The following ABCC1 variants were observed in gnomAD, a reference collection of about 807,000 sequenced individuals.
The protein encoded by ABCC1 is multidrug resistance-associated protein 1.
ABCC1 carries 83 observed loss-of-function variants against 172.9 expected under a neutral mutation model. That is an observed-to-expected ratio of 0.48 (90% CI 0.40 to 0.58). ABCC1 has a LOEUF of 0.58. Ranked by LOEUF, ABCC1 falls within the 20% of genes least tolerant of loss-of-function variation. The pLI is 0.00. For synonymous variants in ABCC1, 937 were observed against 825.2 expected, an observed-to-expected ratio of 1.14 and a Z score of -2.32; for missense variants, 1,817 against 2,002.7, an observed-to-expected ratio of 0.91 and a Z score of 1.77.
intron 13 of ABCC1, among the ~76,000 whole-genome samples, chr16:16,069,901 G>A (rs146388929): frequency 3.3e-5 from 5 of 152,114 alleles, no homozygotes; most frequent in Non-Finnish European, 7.4e-5. Context: ...GTTGGTGCCT[G>A]TAATCCCAGC....
rs529519008 is a variant in ABCC1 at position 15,965,330 on chromosome 16, C to T, written c.48+15531C>T. Among the ~76,000 whole-genome samples, 16 of 151,328 alleles carry T rather than the reference C, an allele frequency of 1.1e-4. No homozygotes were observed. In the South Asian group the frequency reaches 2.1e-3, roughly 20 times the overall value. On this transcript the variant is annotated intron_variant, in intron 1 of 30. Transcript: ENST00000399410. ...TTTTTGAGACGGAGTCTTGTTCTGTCGCCCAGGCTGAAGTGCAGTGGTGCG... is the reference window on the plus strand; with the variant it reads ...TTTTTGAGACGGAGTCTTGTTCTGTTGCCCAGGCTGAAGTGCAGTGGTGCG...
intron 29 of ABCC1, 98 bp from the exon 30 acceptor site, chr16:16,138,266 T>C (rs750621068): frequency 3.7e-5 from 43 of 1,170,542 alleles, no homozygotes; most frequent in African/African-American, 1.1e-4. Flanking sequence ...TCAAGCAACA[T>C]AGAGTGTCTC....
At chr16:16,054,684 CTCAACCCATT>C (rs2049576587) in intron 11 of ABCC1, among the ~76,000 whole-genome samples, 2 of 152,134 alleles carry the variant, frequency 1.3e-5, no homozygotes, top group South Asian at 4.1e-4. Context: ...AGTGGCCCGA[CTCAACCCATT>C]TCAGTCCCTG....
intron 28 of ABCC1, among the ~76,000 whole-genome samples, chr16:16,136,013 CTT>C (rs71137916): frequency 0.17 from 24,235 of 146,852 alleles, 1,990 homozygotes; most frequent in East Asian, 0.24. Context: ...ACTTTCCAGA[CTT>C]TTTTTTTTTT....
intron 1 of ABCC1, among the ~76,000 whole-genome samples, chr16:16,003,719 G>A (rs1211121849): frequency 1.6e-5 from 2 of 122,414 alleles, no homozygotes; most frequent in Non-Finnish European, 3.7e-5. Context: ...TAGGGTGGAT[G>A]GGTGAATTGG....
At chr16:16,084,924 A>G (rs2050949876) in intron 17 of ABCC1, among the ~76,000 whole-genome samples, 1 of 152,052 alleles carries the variant, frequency 6.6e-6, no homozygotes, top group African/African-American at 2.4e-5. Context: ...CCCGGCCTAT[A>G]ACTTGAGTAT....
intron 5 of ABCC1, among the ~76,000 whole-genome samples, chr16:16,021,534 T>A (rs574973635): frequency 2.8e-4 from 42 of 152,090 alleles, no homozygotes; most frequent in Non-Finnish European, 5.7e-4. Context: ...CTGACCAACA[T>A]GGTGAAATCC....
chr16:16,083,293 T>G, intron 16 of ABCC1, 73 bp from the exon 17 acceptor site: 1 of 1,461,150 alleles, frequency 6.8e-7, no homozygotes, highest in East Asian at 2.3e-5. Flanking sequence ...AGCAGGCGGG[T>G]GGGCCAGCTG....
intron 19 of ABCC1, among the ~76,000 whole-genome samples, chr16:16,092,290 C>T (rs1567394420): frequency 6.6e-6 from 1 of 152,094 alleles, no homozygotes; most frequent in Non-Finnish European, 1.5e-5. Context: ...AATTAACCCA[C>T]TTAAATCACA....
chr16:16,012,705 TGAGGC>T (rs1380493202), intron 3 of ABCC1, among the ~76,000 whole-genome samples: 1 of 147,086 alleles, frequency 6.8e-6, no homozygotes, highest in Non-Finnish European at 1.5e-5. Context: ...TTTTTTCCTT[TGAGGC>T]AGAGTTTCGC....
At chr16:16,106,499 G>T in intron 20 of ABCC1, 1 of 407,698 alleles carries the variant, frequency 2.5e-6, no homozygotes, top group Non-Finnish European at 4.4e-6. Flanking sequence ...CACAGATTGC[G>T]TTTCCCATGG....
chr16:16,117,832 G>A (rs2044960716), intron 23 of ABCC1, among the ~76,000 whole-genome samples: 1 of 152,150 alleles, frequency 6.6e-6, no homozygotes, highest in Non-Finnish European at 1.5e-5. Flanking sequence ...CTTGAACCTG[G>A]GAGGTGGAGG....
chr16:16,079,472 T>C lies in ABCC1; in HGVS notation c.2109T>C (p.Ala703=). The change falls in exon 16 of 31, where the codon GCT becomes GCC. Residue 703 remains alanine (A), a synonymous_variant. Coordinates refer to ENST00000399410, the MANE Select transcript of ABCC1 (RefSeq NM_004996.4). ...AEMDKVEGHV[A]IKGSVAYVPQ... ...TGGACAAAGTGGAGGGGCACGTGGC[T>C]ATCAAGGTAGGATGAGGACCAGCGG... The C allele has an allele frequency of 6.2e-7, 1 of 1,612,052 alleles. No homozygotes were observed.
intron 3 of ABCC1, among the ~76,000 whole-genome samples, chr16:16,010,768 C>T (rs762147402): frequency 2.6e-5 from 4 of 152,156 alleles, no homozygotes; most frequent in Admixed American, 6.6e-5. Context: ...TCCCATCTTA[C>T]AGGTGAGGAA....
At chr16:15,956,971 G>T (rs1412869865) in intron 1 of ABCC1, among the ~76,000 whole-genome samples, 1 of 152,176 alleles carries the variant, frequency 6.6e-6, no homozygotes, top group Non-Finnish European at 1.5e-5. Flanking sequence ...CTTTTGGGCG[G>T]TGTCGAAACT....
At chr16:16,036,439 T>C in intron 6 of ABCC1, 33 bp from the exon 7 acceptor site, 2 of 1,597,602 alleles carry the variant, frequency 1.3e-6, no homozygotes, top group Non-Finnish European at 1.7e-6. Flanking sequence ...TCATTGACTC[T>C]CATTGCCTAA....
chr16:16,110,798 G>C (rs967910000), intron 21 of ABCC1, among the ~76,000 whole-genome samples: 1 of 152,168 alleles, frequency 6.6e-6, no homozygotes, highest in East Asian at 1.9e-4. Context: ...ATTGTGCACC[G>C]TTTACAGCCC....
intron 1 of ABCC1, among the ~76,000 whole-genome samples, chr16:15,951,945 C>T (rs2045884181): frequency 6.6e-6 from 1 of 152,202 alleles, no homozygotes; most frequent in Non-Finnish European, 1.5e-5. Context: ...CTGCCTTGGC[C>T]TCCAAAAGTG....
At chr16:16,048,418 G>C in intron 10 of ABCC1, 115 bp downstream of exon 10, 2 of 1,228,426 alleles carry the variant, frequency 1.6e-6, no homozygotes, top group Non-Finnish European at 2.3e-6. Context: ...TGGCAGTTCC[G>C]GCTGTGGTTC....
Sources: gnomAD v4.1 joint callset for allele counts (sites outside exome capture counted in the v4.1 genomes callset) on GRCh38, gnomAD v4.1.1 for gene constraint, MANE v1.5 for transcripts, NCBI Gene and HGNC (gene_info 2026-07-23, HGNC 2026-07-21) for gene names.